PTPRG: variants seen among roughly 807,000 people sequenced by gnomAD.
PTPRG encodes the protein protein tyrosine phosphatase receptor type G.
In PTPRG, 102 loss-of-function variants were observed where a neutral mutation model predicts 165.3. That is an observed-to-expected ratio of 0.62 (90% confidence interval 0.53 to 0.73). The LOEUF is 0.73. Among genes scored for constraint, PTPRG ranks in the 30% least tolerant of loss-of-function variants. The pLI is 0.00. For missense variants in PTPRG, 1,866 were observed against 1,861.4 expected (o/e 1.00, Z -0.05); for synonymous variants, 675 against 669.5 (o/e 1.01, Z -0.13).
chr3:61,944,360 G>A (rs1446999145), intron 2 of PTPRG, among the ~76,000 whole-genome samples: 1 of 152,200 alleles, frequency 6.6e-6, no homozygotes, highest in Admixed American at 6.5e-5. Flanking sequence ...CTGTTCTTAA[G>A]ATTGGCAGTG....
intron 1 of PTPRG, among the ~76,000 whole-genome samples, chr3:61,685,358 TA>T (rs1434943057): frequency 1.3e-5 from 2 of 152,166 alleles, no homozygotes; most frequent in African/African-American, 4.8e-5. Flanking sequence ...TGGTTAAAAT[TA>T]AGAGTGTCCT....
intron 1 of PTPRG, among the ~76,000 whole-genome samples, chr3:61,610,368 C>T (rs1701131582): frequency 6.6e-6 from 1 of 151,976 alleles, no homozygotes. Context: ...TTTGCAAGAC[C>T]CAAATCATTT....
intron 1 of PTPRG, among the ~76,000 whole-genome samples, chr3:61,678,543 CTT>C (rs1247179326): frequency 6.6e-6 from 1 of 152,074 alleles, no homozygotes; most frequent in African/African-American, 2.4e-5. Context: ...TACCCTCTGT[CTT>C]TGCATCTTTG....
At chr3:61,712,441 T>G (rs2031611507) in intron 1 of PTPRG, among the ~76,000 whole-genome samples, 1 of 152,112 alleles carries the variant, frequency 6.6e-6, no homozygotes, top group Admixed American at 6.5e-5. Flanking sequence ...CCAAATCTCA[T>G]CTGGAATATA....
intron 1 of PTPRG, among the ~76,000 whole-genome samples, chr3:61,569,858 C>A (rs1243362993): frequency 6.6e-6 from 1 of 152,184 alleles, no homozygotes; most frequent in Non-Finnish European, 1.5e-5. Flanking sequence ...AGAAAGTCCT[C>A]ATGAAGTCTG....
At chr3:61,653,392 C>A (rs1702414980) in intron 1 of PTPRG, among the ~76,000 whole-genome samples, 1 of 151,948 alleles carries the variant, frequency 6.6e-6, no homozygotes, top group Non-Finnish European at 1.5e-5. Flanking sequence ...TTAGCAGCTG[C>A]AATAGTGATC....
intron 2 of PTPRG, among the ~76,000 whole-genome samples, chr3:61,789,575 G>A (rs79829067): frequency 2.0e-4 from 31 of 152,284 alleles, no homozygotes; most frequent in South Asian, 1.7e-3. Context: ...CAAAAATAAC[G>A]TATTCCTCCC....
Position 62,240,933 on chromosome 3 carries a change from A to G in PTPRG, c.2376-2874A>G, listed in dbSNP as rs1307126313. Among the ~76,000 whole-genome samples, 1 of 152,198 alleles carries G rather than the reference A, an allele frequency of 6.6e-6. No individual in the cohort carries two copies. The highest frequency in any genetic ancestry group is 1.5e-5 in the Non-Finnish European group (1 of 68,024). On this transcript the variant is annotated intron_variant, in intron 14 of 29. Transcript: ENST00000474889. This position sits in a 1 kb window ranked among gnomAD's most constrained non-coding sequence, Gnocchi z 5.1. ...GTTGTGGATTTTTCCCCATGAAGAC[A>G]TAAATACTAGGAGAGTAGGTGCCTT...
chr3:61,792,117 C>G (rs1465751678), intron 2 of PTPRG, among the ~76,000 whole-genome samples: 1 of 151,854 alleles, frequency 6.6e-6, no homozygotes, highest in Non-Finnish European at 1.5e-5. Flanking sequence ...GATGAGAGAT[C>G]TGTAATCTTG....
chr3:62,254,502 C>CA lies in PTPRG; in HGVS notation c.2468-615dup, dbSNP rs1490918945. Reference sequence around the variant, plus strand: ...GAATCTATACCTAGTCTGTCAACACCAAAAAAATCCAGTTAATTCAGTCAA... The same window carrying CA: ...GAATCTATACCTAGTCTGTCAACACCAAAAAAAATCCAGTTAATTCAGTCAA... On this transcript the variant is annotated intron_variant, in intron 15 of 29. Coordinates refer to ENST00000474889, the MANE Select transcript of PTPRG (RefSeq NM_002841.4). This position sits in a 1 kb window ranked among gnomAD's most constrained non-coding sequence, Gnocchi z 4.6. 2.0e-5 allele frequency among the ~76,000 whole-genome samples: 3 copies of CA among 151,956 alleles called. No individual in the cohort carries two copies. The highest frequency in any genetic ancestry group is 1.3e-4 in the Admixed American group (2 of 15,252).
intron 2 of PTPRG, chr3:61,769,369 G>A (rs1211614063): frequency 6.6e-6 from 1 of 152,100 alleles, no homozygotes; most frequent in Non-Finnish European, 1.5e-5. Context: ...TTGACCTCCT[G>A]GGCTCGTGAT....
intron 5 of PTPRG, among the ~76,000 whole-genome samples, chr3:62,104,388 G>C (rs1702401097): frequency 1.3e-5 from 2 of 152,136 alleles, no homozygotes; most frequent in African/African-American, 4.8e-5. Flanking sequence ...TATAGTTTTA[G>C]AAATTCCAGA....
intron 8 of PTPRG, among the ~76,000 whole-genome samples, chr3:62,172,754 A>G (rs1208743476): frequency 6.6e-6 from 1 of 152,156 alleles, no homozygotes; most frequent in Non-Finnish European, 1.5e-5. Context: ...TTAAAAAGAG[A>G]ATGAGTGGTA....
intron 1 of PTPRG, among the ~76,000 whole-genome samples, chr3:61,625,868 A>T (rs184065957): frequency 6.6e-6 from 1 of 152,214 alleles, no homozygotes; most frequent in Non-Finnish European, 1.5e-5. Flanking sequence ...AACTTACTCC[A>T]TTTAAACTTG....
Position 62,088,061 on chromosome 3 carries a change from G to A in PTPRG, c.615+9803G>A, listed in dbSNP as rs535267312. On this transcript the variant is annotated intron_variant, in intron 5 of 29. Coordinates refer to ENST00000474889, the MANE Select transcript of PTPRG (RefSeq NM_002841.4). The stretch of plus-strand genomic sequence containing the variant: ...GGGGTAAAGATTTGAACTTTGAATT[G>A]AATGTATTAACCTTTTAATGGCAGC... Among the ~76,000 whole-genome samples, 208 of 152,320 alleles carry A rather than the reference G, an allele frequency of 1.4e-3. 1 individual carries two copies. Among genetic ancestry groups the A allele is most frequent in the African/African-American group, 4.7e-3 (195 of 41,570 alleles).
At chr3:61,838,464 G>A (rs987154310) in intron 2 of PTPRG, among the ~76,000 whole-genome samples, 2 of 152,112 alleles carry the variant, frequency 1.3e-5, no homozygotes, top group Non-Finnish European at 2.9e-5. Context: ...AGTTTTTCAT[G>A]TGTGTGAATG....
intron 3 of PTPRG, among the ~76,000 whole-genome samples, chr3:62,001,577 T>G (rs2041172952): frequency 6.6e-6 from 1 of 151,562 alleles, no homozygotes; most frequent in South Asian, 2.1e-4. Flanking sequence ...ATATAATATT[T>G]TAGAAGATAT....
intron 13 of PTPRG, among the ~76,000 whole-genome samples, chr3:62,225,750 G>A (rs1343190570): frequency 1.3e-5 from 2 of 151,286 alleles, no homozygotes; most frequent in African/African-American, 2.4e-5. Context: ...CACCTCCTGG[G>A]TTCAAGCAAT....
At chr3:61,594,420 C>G (rs1158787276) in intron 1 of PTPRG, among the ~76,000 whole-genome samples, 1 of 151,802 alleles carries the variant, frequency 6.6e-6, no homozygotes, top group Non-Finnish European at 1.5e-5. Flanking sequence ...GAAAGTAGGT[C>G]AGGCCTGAAT....
Sources: gnomAD v4.1 joint callset for allele counts (sites outside exome capture counted in the v4.1 genomes callset) on GRCh38, gnomAD v4.1.1 for gene constraint, Gnocchi (gnomAD v3.1) non-coding constraint, MANE v1.5 for transcripts, NCBI Gene and HGNC (gene_info 2026-07-23, HGNC 2026-07-21) for gene names.